GUCY1A2: variants seen among roughly 807,000 people sequenced by gnomAD.
GUCY1A2 encodes the protein guanylate cyclase soluble subunit alpha-2.
A neutral mutation model predicts 63.5 loss-of-function variants in GUCY1A2; 27 were observed. The observed-to-expected ratio is 0.43, with a 90% CI of 0.31 to 0.59. GUCY1A2 has a LOEUF of 0.59. GUCY1A2 is among the 20% of genes least tolerant of loss of function. GUCY1A2 has a pLI of 0.11. For synonymous variants in GUCY1A2, 364 were observed against 343.5 expected, an observed-to-expected ratio of 1.06 and a Z score of -0.66; for missense variants, 768 against 913.3, an observed-to-expected ratio of 0.84 and a Z score of 2.05.
intron 5 of GUCY1A2, among the ~76,000 whole-genome samples, chr11:106,790,396 G>A (rs1864637230): frequency 6.6e-6 from 1 of 152,114 alleles, no homozygotes; most frequent in Non-Finnish European, 1.5e-5. Context: ...GCAATGGGCT[G>A]CCCTCTGGCC....
chr11:106,943,731 GC>G (rs1264861784), intron 3 of GUCY1A2, among the ~76,000 whole-genome samples: 2 of 152,168 alleles, frequency 1.3e-5, no homozygotes, highest in Non-Finnish European at 2.9e-5. Flanking sequence ...TTGCACTTGT[GC>G]CACATCTAAG....
chr11:106,862,116 C>T (rs2135457963), intron 4 of GUCY1A2, among the ~76,000 whole-genome samples: 1 of 152,100 alleles, frequency 6.6e-6, no homozygotes, highest in African/African-American at 2.4e-5. Flanking sequence ...TATTGTTCTG[C>T]CCACCCCACT....
At chr11:106,876,166 T>G (rs1591310770) in intron 4 of GUCY1A2, among the ~76,000 whole-genome samples, 1 of 152,052 alleles carries the variant, frequency 6.6e-6, no homozygotes, top group African/African-American at 2.4e-5. Context: ...CTAAAAAAAG[T>G]AATTTACCAT....
In GUCY1A2 at chr11:106,893,638, A is replaced by T. The variant is rs1219876037; in HGVS notation, c.1206+45822T>A. Among the ~76,000 whole-genome samples the T allele has an allele frequency of 3.9e-5, 6 of 152,236 alleles. 1 individual carries two copies. The South Asian group carries it at 1.2e-3, about 32-fold the overall frequency. On this transcript the variant is annotated intron_variant, in intron 4 of 7. Coordinates refer to ENST00000526355, the MANE Select transcript of GUCY1A2 (RefSeq NM_000855.3). ...AGCAGAATAAACTGAAAAATTAGCA[A>T]CTCTTCTTAAATCTATAAGAGAAAT...
At chr11:106,696,837 C>T (rs968872570) in intron 7 of GUCY1A2, among the ~76,000 whole-genome samples, 1 of 151,992 alleles carries the variant, frequency 6.6e-6, no homozygotes, top group Non-Finnish European at 1.5e-5. Flanking sequence ...TGGAGAGAAA[C>T]TAAGAGAGGA....
chr11:106,997,389 C>T (rs1026429849), intron 1 of GUCY1A2, among the ~76,000 whole-genome samples: 3 of 152,156 alleles, frequency 2.0e-5, no homozygotes, highest in South Asian at 4.1e-4. Flanking sequence ...CCACAGAAGC[C>T]CAGAGCATAC....
At chr11:106,699,359 G>A (rs1454988651) in intron 7 of GUCY1A2, among the ~76,000 whole-genome samples, 2 of 152,110 alleles carry the variant, frequency 1.3e-5, no homozygotes, top group African/African-American at 2.4e-5. Flanking sequence ...TCACCTTATA[G>A]TATTTTAGAT....
In GUCY1A2 at chr11:106,978,671, T is replaced by G; in HGVS notation, c.435A>C (p.Lys145Asn). The change falls in exon 3 of 8, where the codon AAA becomes AAC. Residue 145 changes from lysine (K) to asparagine (N), a missense_variant. By Grantham distance (94) the Lys-to-Asn change is moderately conservative. Transcript: ENST00000526355. ...TTCCTGAGACATCTTCAATTTCTTC[T>G]TTGTTGGAGTGGTCTGCATAGGAGC... ...NRCSYADHSN[K>N]EEIEDVSGIL... 6.4e-7 allele frequency: 1 copy of G among 1,570,972 alleles called. No homozygotes were observed. Among genetic ancestry groups the G allele is most frequent in the South Asian group, 1.1e-5 (1 of 90,164 alleles).
chr11:106,791,593 T>G (rs546611437), intron 5 of GUCY1A2, among the ~76,000 whole-genome samples: 82 of 152,156 alleles, frequency 5.4e-4, no homozygotes, highest in Non-Finnish European at 8.7e-4. Flanking sequence ...CAATAATTCA[T>G]TTTTTAAAGG....
chr11:106,924,236 T>A (rs1367838433), intron 4 of GUCY1A2, among the ~76,000 whole-genome samples: 1 of 152,240 alleles, frequency 6.6e-6, no homozygotes, highest in African/African-American at 2.4e-5. Context: ...TAACATTTTT[T>A]AATTCAGCTT....
intron 4 of GUCY1A2, among the ~76,000 whole-genome samples, chr11:106,909,136 G>C (rs1211366209): frequency 6.6e-6 from 1 of 151,752 alleles, no homozygotes; most frequent in African/African-American, 2.4e-5. Context: ...AAGATAATAA[G>C]CTATATAATA....
At chr11:106,742,592 G>T (rs1014501933) in intron 6 of GUCY1A2, among the ~76,000 whole-genome samples, 1 of 152,154 alleles carries the variant, frequency 6.6e-6, no homozygotes, top group African/African-American at 2.4e-5. Context: ...GCCTATCAAT[G>T]ATGGGCATTT....
At position 106,956,260 on chromosome 11, in the gene GUCY1A2, C is replaced by T. The variant is rs558273723; in HGVS notation, c.488-16082G>A. 5.9e-5 allele frequency among the ~76,000 whole-genome samples: 9 copies of T among 151,986 alleles called. 2 individuals are homozygous for T. The South Asian group carries it at 1.9e-3, about 32-fold the overall frequency. On this transcript the variant is annotated intron_variant, in intron 3 of 7. Coordinates refer to ENST00000526355, the MANE Select transcript of GUCY1A2 (RefSeq NM_000855.3). ...TAGCTCATCATAGTTTTTTATTATCCATCTTCTGAAGCCTACTTCTGTCAA... is the reference window on the plus strand; with the variant it reads ...TAGCTCATCATAGTTTTTTATTATCTATCTTCTGAAGCCTACTTCTGTCAA...
chr11:107,012,037 C>T (rs147215639), intron 1 of GUCY1A2, among the ~76,000 whole-genome samples: 63 of 152,272 alleles, frequency 4.1e-4, no homozygotes, highest in African/African-American at 1.5e-3. Flanking sequence ...GAAATATCTA[C>T]ATTCTACCAA....
intron 6 of GUCY1A2, among the ~76,000 whole-genome samples, chr11:106,727,654 A>T (rs1400156982): frequency 6.6e-6 from 1 of 152,230 alleles, no homozygotes; most frequent in East Asian, 1.9e-4. Context: ...AAAAAAAATC[A>T]CAGGTTTCTT....
chr11:106,719,662 G>C (rs1372916631), intron 6 of GUCY1A2, among the ~76,000 whole-genome samples: 2 of 152,154 alleles, frequency 1.3e-5, no homozygotes, highest in African/African-American at 2.4e-5. Flanking sequence ...TTACAATGTA[G>C]AACTCTTGGC....
intron 7 of GUCY1A2, among the ~76,000 whole-genome samples, chr11:106,690,068 G>T (rs999083713): frequency 6.6e-6 from 1 of 152,026 alleles, no homozygotes; most frequent in Admixed American, 6.6e-5. Flanking sequence ...ATACACAGTT[G>T]TTGGGAATGT....
At chr11:106,893,577 T>A (rs1461509751) in intron 4 of GUCY1A2, among the ~76,000 whole-genome samples, 2 of 152,124 alleles carry the variant, frequency 1.3e-5, no homozygotes, top group African/African-American at 4.8e-5. Context: ...TGTAAGAAAC[T>A]TGGAAGTCAC....
intron 4 of GUCY1A2, among the ~76,000 whole-genome samples, chr11:106,932,438 A>T (rs567671724): frequency 6.6e-6 from 1 of 152,270 alleles, no homozygotes; most frequent in South Asian, 2.1e-4. Flanking sequence ...AATTTTTAAA[A>T]ACCCAGAACC....
Sources: allele counts gnomAD v4.1 joint callset (sites outside exome capture counted in the v4.1 genomes callset), GRCh38; gene constraint gnomAD v4.1.1; transcripts MANE v1.5; gene names NCBI Gene and HGNC (gene_info 2026-07-23, HGNC 2026-07-21).